The following CAMTA1 variants were observed in gnomAD, a reference collection of about 807,000 sequenced individuals.
CAMTA1 encodes calmodulin-binding transcription activator 1.
A neutral mutation model predicts 170.9 loss-of-function variants in CAMTA1; 27 were observed. That is an observed-to-expected ratio of 0.16 (90% CI 0.12 to 0.22). The LOEUF (loss-of-function observed/expected upper bound fraction) is 0.22, where lower values mean the gene tolerates loss of function less well. Among genes scored for constraint, CAMTA1 ranks in the 10% least tolerant of loss-of-function variants. The pLI, the probability that CAMTA1 is intolerant of heterozygous loss-of-function variation, is 1.00. For synonymous variants in CAMTA1, 833 were observed against 891.5 expected, an observed-to-expected ratio of 0.93 and a Z score of 1.17; for missense variants, 1,619 against 2,217.2, an observed-to-expected ratio of 0.73 and a Z score of 5.42.
At position 7,144,845 on chromosome 1, in the gene CAMTA1, C is replaced by A. The variant is rs886491066; in HGVS notation, c.302+53474C>A. ...AGAATGTTCCCTATAATTTGAACAA[C>A]CCTAAGAATTCAACTTTAAGCTGGT... On this transcript the variant is annotated intron_variant, in intron 4 of 22. Transcript: ENST00000303635. The surrounding 1 kb of genome is among the most constrained non-coding windows in gnomAD (Gnocchi z 4.0). 1.3e-5 allele frequency among the ~76,000 whole-genome samples: 2 copies of A among 152,160 alleles called. No individual in the cohort carries two copies. Among genetic ancestry groups the A allele is most frequent in the Non-Finnish European group, 2.9e-5 (2 of 68,034 alleles).
At chr1:7,085,372 A>C (rs1243723250) in intron 3 of CAMTA1, among the ~76,000 whole-genome samples, 1 of 152,228 alleles carries the variant, frequency 6.6e-6, no homozygotes, top group East Asian at 1.9e-4. Flanking sequence ...AGAACTTCAC[A>C]ATCTCTCCTT....
chr1:7,115,618 T>C (rs6679617), intron 4 of CAMTA1, among the ~76,000 whole-genome samples: 1 of 68,674 alleles, frequency 1.5e-5, no homozygotes, highest in African/African-American at 6.9e-5. Context: ...GCTGATGATG[T>C]TGTTCCAGTC....
rs1350345349 is a variant in CAMTA1, at chr1:7,286,844, TTC to T, written c.438+37219_438+37220del. On this transcript the variant is annotated intron_variant, in intron 5 of 22. Transcript: ENST00000303635. The surrounding 1 kb of genome is among the most constrained non-coding windows in gnomAD (Gnocchi z 4.2). ...TTATTTAACTTTCCTAAGCCTCAGTTTCCTCCTCTGAAAATGAGGACAGAGGT... is the reference window on the plus strand; with the variant it reads ...TTATTTAACTTTCCTAAGCCTCAGTTCTCCTCTGAAAATGAGGACAGAGGT... Among the ~76,000 whole-genome samples, 1 of 152,176 alleles carries T rather than the reference TTC, an allele frequency of 6.6e-6. No homozygotes were observed. The highest frequency in any genetic ancestry group is 1.5e-5 in the Non-Finnish European group (1 of 68,040).
At position 7,014,024 on chromosome 1, in the gene CAMTA1, T is replaced by TA. The variant is rs1359978923; in HGVS notation, c.235-77279dup. ...CCAGCACATTTGCTTGTCCTAAAAA[T>TA]ACAGTTCTTAAAATAGACCAGTCCA... On this transcript the variant is annotated intron_variant, in intron 3 of 22. Coordinates refer to ENST00000303635, the MANE Select transcript of CAMTA1 (RefSeq NM_015215.4). The surrounding 1 kb of genome is among the most constrained non-coding windows in gnomAD (Gnocchi z 4.2). Among the ~76,000 whole-genome samples the TA allele has an allele frequency of 6.6e-6, 1 of 152,204 alleles. No homozygotes were observed. Among genetic ancestry groups the TA allele is most frequent in the Non-Finnish European group, 1.5e-5 (1 of 68,032 alleles).
intron 5 of CAMTA1, among the ~76,000 whole-genome samples, chr1:7,459,122 G>T (rs1201092217): frequency 6.6e-6 from 1 of 152,220 alleles, no homozygotes; most frequent in Non-Finnish European, 1.5e-5. Flanking sequence ...GGGTGTCTGA[G>T]CGAGGACCAG....
At chr1:7,157,064 C>T (rs1202316202) in intron 4 of CAMTA1, among the ~76,000 whole-genome samples, 1 of 152,086 alleles carries the variant, frequency 6.6e-6, no homozygotes, top group Admixed American at 6.5e-5. Context: ...AAACTTTTGG[C>T]CGGGCGCGGT....
chr1:7,226,875 C>T (rs749675311), intron 4 of CAMTA1, among the ~76,000 whole-genome samples: 5 of 151,986 alleles, frequency 3.3e-5, no homozygotes, highest in Non-Finnish European at 4.4e-5. Flanking sequence ...CTCTGTCACC[C>T]GGGCTGGAGT....
chr1:6,954,950 C>A (rs925588891), intron 3 of CAMTA1, among the ~76,000 whole-genome samples: 1 of 152,074 alleles, frequency 6.6e-6, no homozygotes, highest in South Asian at 2.1e-4. Flanking sequence ...TCCAGGTCAC[C>A]GTTTCGATTT....
chr1:7,515,198 G>T (rs964377483), intron 6 of CAMTA1, among the ~76,000 whole-genome samples: 5 of 151,864 alleles, frequency 3.3e-5, no homozygotes, highest in Non-Finnish European at 7.4e-5. Flanking sequence ...GGTCCTCCCC[G>T]GCTGCCTCCA....
In CAMTA1 at chr1:7,736,368, G is replaced by C; in HGVS notation, c.3091G>C (p.Gly1031Arg). ...GTGTGCTTCTGGGACTGGGGCCTTGGGGAGCTGCTTTGAGAGCCGTGTGGT... is the reference window on the plus strand; with the variant it reads ...GTGTGCTTCTGGGACTGGGGCCTTGCGGAGCTGCTTTGAGAGCCGTGTGGT... ...AQCASGTGAL[G>R]SCFESRVVVV... Residue 1031 changes from glycine to arginine, a missense_variant, in exon 13 of 23, where the codon GGG becomes CGG. Gly to Arg is a moderately radical substitution (Grantham distance 125). This residue lies in a region of CAMTA1 where 143 missense variants were observed against 184.2 expected (regional missense o/e 0.78). Coordinates refer to ENST00000303635, the MANE Select transcript of CAMTA1 (RefSeq NM_015215.4). The surrounding 1 kb of genome is among the most constrained non-coding windows in gnomAD (Gnocchi z 4.5). 6.2e-7 allele frequency: 1 copy of C among 1,614,134 alleles called. No homozygotes were observed. The highest frequency in any genetic ancestry group is 8.5e-7 in the Non-Finnish European group (1 of 1,180,010).
chr1:7,076,355 C>G (rs1171456601), intron 3 of CAMTA1, among the ~76,000 whole-genome samples: 2 of 152,186 alleles, frequency 1.3e-5, no homozygotes, highest in Non-Finnish European at 2.9e-5. Flanking sequence ...CGCTGAATCA[C>G]AAGGTTTTCA....
chr1:7,704,205 C>T (rs2096477691), intron 11 of CAMTA1, among the ~76,000 whole-genome samples: 1 of 147,924 alleles, frequency 6.8e-6, no homozygotes. Flanking sequence ...AGCCCGAGCC[C>T]GGGAACGCGG....
intron 6 of CAMTA1, among the ~76,000 whole-genome samples, chr1:7,566,718 C>T (rs2095047419): frequency 6.6e-6 from 1 of 152,236 alleles, no homozygotes; most frequent in Non-Finnish European, 1.5e-5. Context: ...AGAAGGCTCT[C>T]TCAGCCTCAT....
chr1:7,043,615 C>G (rs1362655753), intron 3 of CAMTA1, among the ~76,000 whole-genome samples: 1 of 152,186 alleles, frequency 6.6e-6, no homozygotes, highest in African/African-American at 2.4e-5. Context: ...CCTTCCTGTC[C>G]TCTTTGGTTG....
chr1:7,042,736 T>G (rs1416095511), intron 3 of CAMTA1, among the ~76,000 whole-genome samples: 1 of 152,146 alleles, frequency 6.6e-6, no homozygotes, highest in Non-Finnish European at 1.5e-5. Context: ...TGACAGCCAG[T>G]CTCCTCCCTT....
At chr1:6,954,087 G>C (rs1689018901) in intron 3 of CAMTA1, among the ~76,000 whole-genome samples, 1 of 152,200 alleles carries the variant, frequency 6.6e-6, no homozygotes. Flanking sequence ...TGCCATTTGG[G>C]ACTTGTCCTT....
intron 5 of CAMTA1, among the ~76,000 whole-genome samples, chr1:7,458,134 G>A (rs1158435247): frequency 1.3e-5 from 2 of 152,140 alleles, no homozygotes; most frequent in Non-Finnish European, 2.9e-5. Context: ...GTTTCTATCT[G>A]CTCTTCAATC....
At chr1:7,026,012 T>A (rs1426376624) in intron 3 of CAMTA1, among the ~76,000 whole-genome samples, 2 of 151,264 alleles carry the variant, frequency 1.3e-5, no homozygotes, top group Non-Finnish European at 2.9e-5. Flanking sequence ...CCCAGGTACT[T>A]GGGAGGCTGA....
intron 4 of CAMTA1, among the ~76,000 whole-genome samples, chr1:7,096,334 C>T (rs1180485821): frequency 6.6e-6 from 1 of 152,168 alleles, no homozygotes; most frequent in East Asian, 1.9e-4. Flanking sequence ...GGACATCAAA[C>T]TGTGATCCTC....
Sources: allele counts gnomAD v4.1 joint callset (sites outside exome capture counted in the v4.1 genomes callset), GRCh38; gene constraint gnomAD v4.1.1; regional missense constraint gnomAD v4.1.1; non-coding constraint Gnocchi (gnomAD v3.1); transcripts MANE v1.5; gene names NCBI Gene and HGNC (gene_info 2026-07-23, HGNC 2026-07-21).